BASP1: variants seen among roughly 807,000 people sequenced by gnomAD.
BASP1 encodes brain acid soluble protein 1.
BASP1 carries 1 observed loss-of-function variant against 2.2 expected under a neutral mutation model. The ratio of observed to expected loss-of-function variants is 0.46; its 90% CI spans 0.16 to 2.17. The LOEUF is 2.17. BASP1 is among the 30% of genes most tolerant of loss of function. The pLI, the probability that BASP1 is intolerant of heterozygous loss-of-function variation, is 0.27. For missense variants in BASP1, 352 were observed against 327.2 expected (o/e 1.08, Z -0.58); for synonymous variants, 187 against 154.2 (o/e 1.21, Z -1.58).
At chr5:17,262,217 C>T (rs1466563652) in intron 1 of BASP1, among the ~76,000 whole-genome samples, 1 of 152,182 alleles carries the variant, frequency 6.6e-6, no homozygotes. Context: ...TCCTCTCCTT[C>T]CTCTTAAATA....
chr5:17,269,737 ATTC>A, intron 1 of BASP1, among the ~76,000 whole-genome samples: 1 of 152,324 alleles, frequency 6.6e-6, no homozygotes, highest in South Asian at 2.1e-4. Flanking sequence ...AACAAACAGT[ATTC>A]TTCTGCAGGA....
chr5:17,230,244 G>A (rs538715348), intron 1 of BASP1, among the ~76,000 whole-genome samples: 2 of 152,244 alleles, frequency 1.3e-5, no homozygotes, highest in African/African-American at 4.8e-5. Flanking sequence ...GACTCTTAAC[G>A]GTGGAACAGA....
At chr5:17,220,896 C>A (rs1033782167) in intron 1 of BASP1, among the ~76,000 whole-genome samples, 1 of 152,136 alleles carries the variant, frequency 6.6e-6, no homozygotes, top group Non-Finnish European at 1.5e-5. Flanking sequence ...CAGAGAGAAA[C>A]TTTCATTTGG....
rs183441708 is a variant in BASP1, at chr5:17,260,258, C to T, written c.-9-14950C>T. On this transcript the variant is annotated intron_variant, in intron 1 of 1. Coordinates refer to ENST00000322611, the MANE Select transcript of BASP1 (RefSeq NM_006317.5). The surrounding 1 kb of genome is among the most constrained non-coding windows in gnomAD (Gnocchi z 4.2). ...GTATTAAAAAAGAAGAAAAAACCTTCTGCATTAGTGTCTATACAGTCAACC... is the reference window on the plus strand; with the variant it reads ...GTATTAAAAAAGAAGAAAAAACCTTTTGCATTAGTGTCTATACAGTCAACC... Among the ~76,000 whole-genome samples the T allele has an allele frequency of 3.3e-5, 5 of 152,230 alleles. No individual in the cohort carries two copies. The East Asian group carries it at 5.8e-4, about 18-fold the overall frequency.
At chr5:17,228,547 C>T (rs1739564711) in intron 1 of BASP1, among the ~76,000 whole-genome samples, 1 of 152,160 alleles carries the variant, frequency 6.6e-6, no homozygotes, top group Admixed American at 6.6e-5. Context: ...TCCACCTCAC[C>T]CCAAACCCGT....
chr5:17,262,850 C>CTTT (rs562064794), intron 1 of BASP1, among the ~76,000 whole-genome samples: 3 of 132,974 alleles, frequency 2.3e-5, no homozygotes, highest in African/African-American at 1.0e-4. Context: ...ATCAAATCTT[C>CTTT]TTTTTTTTTT....
chr5:17,267,756 A>G (rs1315300278), intron 1 of BASP1, among the ~76,000 whole-genome samples: 1 of 134,536 alleles, frequency 7.4e-6, no homozygotes, highest in Non-Finnish European at 1.5e-5. Context: ...CAACCTTGTG[A>G]TCCTCCTGCC....
At chr5:17,237,284 C>T (rs562245404) in intron 1 of BASP1, among the ~76,000 whole-genome samples, 12 of 152,176 alleles carry the variant, frequency 7.9e-5, no homozygotes, top group Admixed American at 5.9e-4. Context: ...GCGGAGCTTG[C>T]AGTGAGCCGA....
chr5:17,226,454 G>A (rs936481335), intron 1 of BASP1, among the ~76,000 whole-genome samples: 2 of 152,104 alleles, frequency 1.3e-5, no homozygotes, highest in African/African-American at 4.8e-5. Context: ...AATAACCAAG[G>A]TAAATAGTAA....
At chr5:17,249,646 CCT>C (rs1345306746) in intron 1 of BASP1, among the ~76,000 whole-genome samples, 1 of 152,092 alleles carries the variant, frequency 6.6e-6, no homozygotes, top group African/African-American at 2.4e-5. Flanking sequence ...ACAAAAAAGA[CCT>C]CTAGATTTTA....
intron 1 of BASP1, among the ~76,000 whole-genome samples, chr5:17,237,771 T>G (rs1739779942): frequency 6.6e-6 from 1 of 152,010 alleles, no homozygotes. Context: ...CCACCATGCC[T>G]GGCTAATTTT....
At chr5:17,218,241 T>C (rs1215572512) in intron 1 of BASP1, among the ~76,000 whole-genome samples, 1 of 76,436 alleles carries the variant, frequency 1.3e-5, no homozygotes, top group Non-Finnish European at 2.4e-5. Context: ...GAGAAAGCGC[T>C]CGGGGCGAGG....
At chr5:17,261,514 C>A (rs1740315555) in intron 1 of BASP1, among the ~76,000 whole-genome samples, 1 of 151,826 alleles carries the variant, frequency 6.6e-6, no homozygotes, top group Admixed American at 6.6e-5. Context: ...TCTTGTGGAG[C>A]CATTACTCTG....
At chr5:17,225,651 G>A (rs1739485608) in intron 1 of BASP1, among the ~76,000 whole-genome samples, 1 of 152,178 alleles carries the variant, frequency 6.6e-6, no homozygotes, top group Non-Finnish European at 1.5e-5. Flanking sequence ...TTATTTGGGG[G>A]CTATAGAGCA....
chr5:17,231,233 G>A (rs1206771378), intron 1 of BASP1, among the ~76,000 whole-genome samples: 3 of 152,116 alleles, frequency 2.0e-5, no homozygotes, highest in African/African-American at 4.8e-5. Flanking sequence ...TCACTTTCCT[G>A]GTAGATAGCA....
intron 1 of BASP1, among the ~76,000 whole-genome samples, chr5:17,273,238 T>G (rs375394555): frequency 3.9e-4 from 59 of 152,352 alleles, no homozygotes; most frequent in African/African-American, 1.3e-3. Context: ...TTTCTTTATA[T>G]TTTCATGTAC....
chr5:17,270,291 C>T (rs1740505160), intron 1 of BASP1, among the ~76,000 whole-genome samples: 1 of 152,176 alleles, frequency 6.6e-6, no homozygotes, highest in Admixed American at 6.5e-5. Context: ...TGAGCCACCA[C>T]ACACAGCCCC....
chr5:17,276,305 A>T lies in BASP1; in HGVS notation c.*405A>T. 5.8e-6 allele frequency: 1 copy of T among 173,704 alleles called. No homozygotes were observed. 10.8% of individuals were successfully genotyped at this position (173,704 alleles called of 1,614,324 possible). A position where few individuals can be genotyped will look rare whatever the true frequency, so the allele number is the denominator to read the frequency against. On this transcript the variant is annotated 3_prime_UTR_variant, in exon 2 of 2. Transcript: ENST00000322611. ...CTTTTCTTCTGCAATGGGAGTTGGG[A>T]GTGATGCGTTTGATTCTGCCCACAG...
intron 1 of BASP1, among the ~76,000 whole-genome samples, chr5:17,244,883 G>A (rs1241502010): frequency 6.7e-6 from 1 of 150,358 alleles, no homozygotes; most frequent in Non-Finnish European, 1.5e-5. Flanking sequence ...TAGAGATGGG[G>A]TTTCACCATG....
Sources: gnomAD v4.1 joint callset for allele counts (sites outside exome capture counted in the v4.1 genomes callset) on GRCh38, gnomAD v4.1.1 for gene constraint, Gnocchi (gnomAD v3.1) non-coding constraint, MANE v1.5 for transcripts, NCBI Gene and HGNC (gene_info 2026-07-23, HGNC 2026-07-21) for gene names.